RSF1: variants seen among roughly 807,000 people sequenced by gnomAD.
The protein encoded by RSF1 is HBV pX-associated protein 8.
A neutral mutation model predicts 145.2 loss-of-function variants in RSF1; 13 were observed. The observed-to-expected ratio is 0.09, with a 90% CI of 0.06 to 0.14. The LOEUF (loss-of-function observed/expected upper bound fraction) is 0.14. Ranked by LOEUF, RSF1 falls within the 10% of genes least tolerant of loss-of-function variation. The pLI is 1.00. For missense variants in RSF1, 1,517 were observed against 1,718.2 expected (o/e 0.88, Z 2.07); for synonymous variants, 577 against 592.6 (o/e 0.97, Z 0.38).
intron 5 of RSF1, among the ~76,000 whole-genome samples, chr11:77,707,834 G>A (rs1960586870): frequency 1.3e-5 from 2 of 152,126 alleles, no homozygotes; most frequent in African/African-American, 4.8e-5. Context: ...CATGTAGCAT[G>A]CTAAGTGCAA....
intron 8 of RSF1, 62 bp from the exon 9 acceptor site, chr11:77,691,300 C>T (rs1960144258): frequency 7.1e-7 from 1 of 1,402,692 alleles, no homozygotes; most frequent in Non-Finnish European, 1.0e-6. Flanking sequence ...TTATTACATA[C>T]ATGTTAACTT....
chr11:77,842,242 C>G, the RSF1 span, among the ~76,000 whole-genome samples: 3 of 152,062 alleles, frequency 2.0e-5, no homozygotes, highest in Non-Finnish European at 4.4e-5. Flanking sequence ...TCAAAAATAT[C>G]CTAAGGATTC....
At chr11:77,737,621 G>GTGTGTGTGTGTGTGTGTGTGTGTGT (rs1554991241) in intron 4 of RSF1, among the ~76,000 whole-genome samples, 7 of 93,496 alleles carry the variant, frequency 7.5e-5, no homozygotes, top group African/African-American at 1.2e-4. Context: ...TGTTTTGGGG[G>GTGTGTGTGTGTGTGTGTGTGTGTGT]GTGTGTGTGT....
the RSF1 span, among the ~76,000 whole-genome samples, chr11:77,832,991 G>C: frequency 1.8e-4 from 6 of 32,866 alleles, 2 homozygotes; most frequent in African/African-American, 1.2e-3. Flanking sequence ...GTGTGTGTGT[G>C]TGTGTGTATA....
At chr11:77,796,201 C>A (rs1368213889) in intron 1 of RSF1, among the ~76,000 whole-genome samples, 2 of 151,974 alleles carry the variant, frequency 1.3e-5, no homozygotes, top group East Asian at 3.9e-4. Flanking sequence ...GGCAGAGACA[C>A]AACAAAAAAA....
At chr11:77,849,708 T>C in the RSF1 span, among the ~76,000 whole-genome samples, 2 of 152,232 alleles carry the variant, frequency 1.3e-5, no homozygotes, top group Non-Finnish European at 2.9e-5. Flanking sequence ...TAACACATAT[T>C]TGAAGACCTA....
intron 1 of RSF1, chr11:77,813,292 G>A (rs1412864721): frequency 1.4e-6 from 1 of 719,772 alleles, no homozygotes; most frequent in Admixed American, 2.0e-5. Flanking sequence ...TTTAACAACT[G>A]GTAATCAATT....
intron 5 of RSF1, among the ~76,000 whole-genome samples, chr11:77,710,486 G>C (rs1242833313): frequency 6.6e-6 from 1 of 151,990 alleles, no homozygotes; most frequent in African/African-American, 2.4e-5. Context: ...TATTTGTTCA[G>C]GACACCAAAT....
chr11:77,688,434 G>A (rs1960066858), intron 9 of RSF1, among the ~76,000 whole-genome samples: 1 of 152,166 alleles, frequency 6.6e-6, no homozygotes, highest in Admixed American at 6.5e-5. Flanking sequence ...CAAGATGGAG[G>A]CAAAGGAAAA....
chr11:77,687,463 C>G (rs995081362), intron 9 of RSF1, among the ~76,000 whole-genome samples: 2 of 151,064 alleles, frequency 1.3e-5, no homozygotes, highest in Non-Finnish European at 2.9e-5. Flanking sequence ...AGGTTACCCA[C>G]CTTGGGTAAC....
At chr11:77,716,552 T>C (rs1275525632) in intron 5 of RSF1, among the ~76,000 whole-genome samples, 1 of 152,202 alleles carries the variant, frequency 6.6e-6, no homozygotes, top group Non-Finnish European at 1.5e-5. Context: ...CTCACTTACA[T>C]GTGGAATCTT....
chr11:77,796,286 G>C (rs570786), intron 1 of RSF1, among the ~76,000 whole-genome samples: 53,723 of 151,866 alleles, frequency 0.35, 9,716 homozygotes, highest in Admixed American at 0.39. Context: ...ACCAAATCCA[G>C]CAGCACATCA....
rs752321985 is a variant in RSF1, at chr11:77,740,953, A to G, written c.373-17T>C. The G allele has an allele frequency of 1.3e-6, 2 of 1,554,240 alleles. No individual in the cohort carries two copies. Among genetic ancestry groups the G allele is most frequent in the South Asian group, 1.1e-5 (1 of 89,568 alleles). On this transcript the variant is annotated splice_polypyrimidine_tract_variant and intron_variant, in intron 3 of 15. Transcript: ENST00000308488. The stretch of plus-strand genomic sequence containing the variant: ...ACAGAGGTACTGAAAAATAGTCATA[A>G]CATGACTTAAAATACCTCACAAATA...
chr11:77,869,861 C>T, the RSF1 span: 11 of 1,571,976 alleles, frequency 7.0e-6, no homozygotes, highest in Middle Eastern at 1.7e-4. Flanking sequence ...AGGTGGGGAT[C>T]TCTTGGGCCT....
At chr11:77,728,858 A>G (rs1378427841) in intron 4 of RSF1, among the ~76,000 whole-genome samples, 2 of 146,224 alleles carry the variant, frequency 1.4e-5, no homozygotes, top group Middle Eastern at 3.4e-3. Flanking sequence ...TACCAGATGC[A>G]TAACTTGTAA....
intron 11 of RSF1, among the ~76,000 whole-genome samples, chr11:77,678,369 A>G (rs1959769545): frequency 6.6e-6 from 1 of 152,010 alleles, no homozygotes; most frequent in Non-Finnish European, 1.5e-5. Flanking sequence ...GACGCGTGCC[A>G]CCAAACCCAG....
chr11:77,767,725 T>C (rs995636366), intron 1 of RSF1, among the ~76,000 whole-genome samples: 1 of 152,204 alleles, frequency 6.6e-6, no homozygotes, highest in African/African-American at 2.4e-5. Flanking sequence ...AACCTTTTTG[T>C]CCCTGGAACA....
At chr11:77,798,717 C>T (rs1356304984) in intron 1 of RSF1, among the ~76,000 whole-genome samples, 1 of 147,206 alleles carries the variant, frequency 6.8e-6, no homozygotes, top group Admixed American at 6.9e-5. Context: ...CTATCACTCT[C>T]AGCAAACTAT....
intron 1 of RSF1, among the ~76,000 whole-genome samples, chr11:77,772,578 C>A (rs1026216913): frequency 1.3e-5 from 2 of 151,944 alleles, no homozygotes; most frequent in Non-Finnish European, 2.9e-5. Flanking sequence ...ATGTATATTA[C>A]AAAAAGCACT....
Sources: gnomAD v4.1 joint callset for allele counts (sites outside exome capture counted in the v4.1 genomes callset) on GRCh38, gnomAD v4.1.1 for gene constraint, MANE v1.5 for transcripts, NCBI Gene and HGNC (gene_info 2026-07-23, HGNC 2026-07-21) for gene names.